Variants in PRKAR2B observed in about 807,000 individuals in gnomAD.
PRKAR2B encodes the protein protein kinase cAMP-dependent type II regulatory subunit beta.
Under a neutral mutation model 49.9 loss-of-function variants are expected in PRKAR2B, and 14 were observed. The ratio of observed to expected loss-of-function variants is 0.28; its 90% CI spans 0.19 to 0.44. The LOEUF (loss-of-function observed/expected upper bound fraction) is 0.44. PRKAR2B is among the 20% of genes least tolerant of loss of function. PRKAR2B has a pLI of 1.00. For synonymous variants in PRKAR2B, 196 were observed against 197.7 expected (o/e 0.99, Z 0.07); for missense variants, 393 against 537.9 (o/e 0.73, Z 2.67).
chr7:107,122,854 A>G (rs1433945948), intron 3 of PRKAR2B, among the ~76,000 whole-genome samples: 1 of 152,144 alleles, frequency 6.6e-6, no homozygotes, highest in East Asian at 1.9e-4. Context: ...TTGAAATCTC[A>G]TTTTATTCCT....
At chr7:107,055,025 A>G (rs1019890164) in intron 1 of PRKAR2B, among the ~76,000 whole-genome samples, 1 of 150,750 alleles carries the variant, frequency 6.6e-6, no homozygotes, top group East Asian at 2.0e-4. Flanking sequence ...ATGTGTTCTC[A>G]TTGTTCATTT....
intron 3 of PRKAR2B, among the ~76,000 whole-genome samples, chr7:107,125,568 C>T (rs1795466417): frequency 1.3e-5 from 2 of 152,134 alleles, no homozygotes; most frequent in Non-Finnish European, 2.9e-5. Flanking sequence ...AGGAGAGCAT[C>T]TTCAGAGCAG....
intron 8 of PRKAR2B, among the ~76,000 whole-genome samples, chr7:107,156,296 G>A (rs766227070): frequency 6.6e-6 from 1 of 152,014 alleles, no homozygotes; most frequent in African/African-American, 2.4e-5. Context: ...AAATTAGCTG[G>A]GTGTGGTAGC....
intron 1 of PRKAR2B, among the ~76,000 whole-genome samples, chr7:107,049,681 T>C (rs1465194873): frequency 1.3e-5 from 2 of 152,212 alleles, no homozygotes; most frequent in Non-Finnish European, 2.9e-5. Flanking sequence ...ATTGCACTTC[T>C]TGGCGAGGTG....
At chr7:107,124,471 G>C (rs2115592525) in intron 3 of PRKAR2B, among the ~76,000 whole-genome samples, 2 of 152,318 alleles carry the variant, frequency 1.3e-5, no homozygotes, top group East Asian at 3.9e-4. Flanking sequence ...TAAAGAAACA[G>C]TGAAACAGTG....
At position 107,134,749 on chromosome 7, in the gene PRKAR2B, T is replaced by C. The variant is rs116213469; in HGVS notation, c.481-6098T>C. On this transcript the variant is annotated intron_variant, in intron 4 of 10. Coordinates refer to ENST00000265717, the MANE Select transcript of PRKAR2B (RefSeq NM_002736.3). ...AGACCATTCAATAGAAAAAGAATAG[T>C]TTCTTCAACAAATAGTGCTGAATCC... Among the ~76,000 whole-genome samples, 425 of 152,282 alleles carry C rather than the reference T, an allele frequency of 2.8e-3. 3 individuals are homozygous for C. Among genetic ancestry groups the C allele is most frequent in the African/African-American group, 9.7e-3 (402 of 41,560 alleles).
chr7:107,156,698 C>G (rs1796098620), intron 8 of PRKAR2B, among the ~76,000 whole-genome samples: 1 of 151,444 alleles, frequency 6.6e-6, no homozygotes. Context: ...CCCAGCCACC[C>G]AGGAGGCTGA....
At chr7:107,125,400 C>G (rs1340128382) in intron 3 of PRKAR2B, among the ~76,000 whole-genome samples, 1 of 152,160 alleles carries the variant, frequency 6.6e-6, no homozygotes, top group Admixed American at 6.6e-5. Context: ...GTTTGTTTAA[C>G]AAATAAAATT....
chr7:107,159,677 T>C lies in PRKAR2B; in HGVS notation c.*95T>C, dbSNP rs1562875345. 5 of 1,375,634 alleles carry C rather than the reference T, an allele frequency of 3.6e-6. No individual in the cohort carries two copies. Among genetic ancestry groups the C allele is most frequent in the Admixed American group, 2.2e-5 (1 of 45,274 alleles). 85.2% of individuals were successfully genotyped at this position (1,375,634 alleles called of 1,614,324 possible). On this transcript the variant is annotated 3_prime_UTR_variant, in exon 11 of 11. Coordinates refer to ENST00000265717, the MANE Select transcript of PRKAR2B (RefSeq NM_002736.3). ...TTGTGTAGATGCCAAGCATTTTCTG[T>C]GATTTCAGGTTTTTTCCTTTTTTTA...
chr7:107,057,766 T>TA (rs143499269), intron 1 of PRKAR2B, among the ~76,000 whole-genome samples: 3,691 of 150,744 alleles, frequency 0.024, 123 homozygotes, highest in African/African-American at 0.076. Flanking sequence ...TAATGTGTGT[T>TA]AAAAAAAAAC....
At chr7:107,061,358 A>G (rs948065248) in intron 1 of PRKAR2B, among the ~76,000 whole-genome samples, 1 of 152,196 alleles carries the variant, frequency 6.6e-6, no homozygotes, top group African/African-American at 2.4e-5. Context: ...GAGTCTTCCT[A>G]TCCATGAACA....
chr7:107,044,813 GCGCCGT>G lies in PRKAR2B; in HGVS notation c.-94_-89del, dbSNP rs1290903369. The G allele has an allele frequency of 8.7e-6, 9 of 1,037,044 alleles. No homozygotes were observed. In the East Asian group the frequency reaches 2.4e-4, roughly 28 times the overall value. The allele number at this position is 1,037,044 out of a possible 1,614,324, so 64.2% of individuals were successfully genotyped here. On this transcript the variant is annotated 5_prime_UTR_variant, in exon 1 of 11. Coordinates refer to ENST00000265717, the MANE Select transcript of PRKAR2B (RefSeq NM_002736.3). ...CGCGCTCGCAGCCGGTAGCGCGCCA[GCGCCGT>G]AGGCGCTCGCTCGGCAGCCGCGGGG... is the stretch of plus-strand genomic sequence containing the variant.
At chr7:107,050,631 G>A (rs1434330039) in intron 1 of PRKAR2B, among the ~76,000 whole-genome samples, 1 of 152,096 alleles carries the variant, frequency 6.6e-6, no homozygotes, top group Non-Finnish European at 1.5e-5. Flanking sequence ...GTCCTACAGT[G>A]GAGGTTGGGG....
intron 2 of PRKAR2B, among the ~76,000 whole-genome samples, chr7:107,106,697 A>G (rs1296467125): frequency 1.3e-5 from 2 of 152,140 alleles, no homozygotes; most frequent in African/African-American, 2.4e-5. Context: ...AGTCGGGGGT[A>G]TAGGCTGAGG....
At chr7:107,124,323 T>C (rs1366261822) in intron 3 of PRKAR2B, among the ~76,000 whole-genome samples, 2 of 152,224 alleles carry the variant, frequency 1.3e-5, no homozygotes, top group Admixed American at 1.3e-4. Context: ...TTTTTGGAGT[T>C]CCACCTGTAT....
At chr7:107,139,979 C>G (rs914700538) in intron 4 of PRKAR2B, among the ~76,000 whole-genome samples, 3 of 152,194 alleles carry the variant, frequency 2.0e-5, no homozygotes, top group Non-Finnish European at 2.9e-5. Flanking sequence ...GGGCTCAGAG[C>G]TAATAAGTAG....
At chr7:107,080,487 G>A (rs12154324) in intron 2 of PRKAR2B, among the ~76,000 whole-genome samples, 13,393 of 152,164 alleles carry the variant, frequency 0.088, 666 homozygotes, top group Middle Eastern at 0.16. Flanking sequence ...GCACAGCAGT[G>A]AACACATTAT....
intron 2 of PRKAR2B, among the ~76,000 whole-genome samples, chr7:107,106,994 C>T (rs1584432218): frequency 6.6e-6 from 1 of 152,234 alleles, no homozygotes; most frequent in African/African-American, 2.4e-5. Flanking sequence ...CTCATTTTTC[C>T]TCCTTTTTAC....
At chr7:107,116,921 ATATG>A (rs1056019534) in intron 2 of PRKAR2B, among the ~76,000 whole-genome samples, 70 of 148,950 alleles carry the variant, frequency 4.7e-4, no homozygotes, top group African/African-American at 1.6e-3. Flanking sequence ...ATATATGTGT[ATATG>A]TATGTGTGTA....
Sources: gnomAD v4.1 joint callset for allele counts (sites outside exome capture counted in the v4.1 genomes callset) on GRCh38, gnomAD v4.1.1 for gene constraint, MANE v1.5 for transcripts, NCBI Gene and HGNC (gene_info 2026-07-23, HGNC 2026-07-21) for gene names.